ZNF268: variants seen among roughly 807,000 people sequenced by gnomAD.
ZNF268 encodes zinc finger protein 3.
Under a neutral mutation model 29.3 loss-of-function variants are expected in ZNF268, and 20 were observed. The ratio of observed to expected loss-of-function variants is 0.68; its 90% CI spans 0.48 to 0.99. The LOEUF (loss-of-function observed/expected upper bound fraction) is 0.99. Among genes scored for constraint, ZNF268 ranks in the 50% least tolerant of loss-of-function variants. ZNF268 has a pLI of 0.00. For synonymous variants in ZNF268, 429 were observed against 376.9 expected (o/e 1.14, Z -1.60); for missense variants, 1,240 against 1,121.6 (o/e 1.11, Z -1.51).
chr12:133,191,342 A>T, intron 3 of ZNF268, 147 bp from the exon 4 acceptor site: 12 of 809,842 alleles, frequency 1.5e-5, no homozygotes, highest in Non-Finnish European at 2.3e-5. Flanking sequence ...AGAAAGAAAG[A>T]TGACTGATTT....
At chr12:133,187,217 C>A (rs2135488402) in intron 2 of ZNF268, among the ~76,000 whole-genome samples, 1 of 151,958 alleles carries the variant, frequency 6.6e-6, no homozygotes, top group East Asian at 1.9e-4. Context: ...GTGCCGCCTT[C>A]TAGGTCGTTG....
At chr12:133,201,791 CTAA>C (rs1372734048) in intron 5 of ZNF268, among the ~76,000 whole-genome samples, 1 of 152,050 alleles carries the variant, frequency 6.6e-6, no homozygotes, top group African/African-American at 2.4e-5. Context: ...TCATAGATCC[CTAA>C]TGACATGTTT....
intron 5 of ZNF268, among the ~76,000 whole-genome samples, chr12:133,199,743 C>T (rs574671248): frequency 8.6e-4 from 131 of 152,324 alleles, no homozygotes; most frequent in African/African-American, 3.0e-3. Flanking sequence ...AGAGAGTCAA[C>T]TTCTTCCTGG....
intron 2 of ZNF268, chr12:133,184,733 C>T (rs1156846731): frequency 2.2e-6 from 1 of 450,094 alleles, no homozygotes; most frequent in Admixed American, 2.4e-5. Flanking sequence ...TCTCTTGCCT[C>T]AGCCTCCTGA....
In ZNF268 at chr12:133,204,626, A is replaced by G. The variant is rs1292965568; in HGVS notation, c.*96A>G. The G allele has an allele frequency of 8.3e-6, 8 of 961,124 alleles. No individual in the cohort carries two copies. The highest frequency in any genetic ancestry group is 1.2e-5 in the Non-Finnish European group (8 of 689,840). 59.5% of individuals were successfully genotyped at this position (961,124 alleles called of 1,614,324 possible). On this transcript the variant is annotated 3_prime_UTR_variant, in exon 6 of 6. Coordinates refer to ENST00000536435, the MANE Select transcript of ZNF268 (RefSeq NM_003415.3). ...AAGTGGAATCATCTTGTCATCTTCC[A>G]GAAAACTCATACTGAATAGAAACTT...
chr12:133,198,480 C>G (rs1956669228), intron 5 of ZNF268, among the ~76,000 whole-genome samples: 1 of 151,380 alleles, frequency 6.6e-6, no homozygotes, highest in Admixed American at 6.6e-5. Context: ...ATGCCTCCAG[C>G]TTTGTTCTTT....
At position 133,206,837 on chromosome 12, in the gene ZNF268, TC is replaced by T. The variant is rs1395185645; in HGVS notation, c.*2312del. The stretch of plus-strand genomic sequence containing the variant: ...AATCGCAGATACTTGCTAAAGTGTA[TC>T]CCCCAATCTGGGAAATACTGTAAAG... On this transcript the variant is annotated 3_prime_UTR_variant, in exon 6 of 6. Coordinates refer to ENST00000536435, the MANE Select transcript of ZNF268 (RefSeq NM_003415.3). 1 of 152,164 alleles carries T rather than the reference TC, an allele frequency of 6.6e-6. No homozygotes were observed. The allele number at this position is 152,164 out of a possible 1,614,324, so 9.4% of individuals were successfully genotyped here. A position where few individuals can be genotyped will look rare whatever the true frequency, so the allele number is the denominator to read the frequency against.
chr12:133,205,971 T>A lies in ZNF268; in HGVS notation c.*1441T>A, dbSNP rs992487586. ...GCATGTTGATGTAATAAGTAGCTATTTCAATAGAGGTTCCCAGAACAGCTT... is the reference window on the plus strand; with the variant it reads ...GCATGTTGATGTAATAAGTAGCTATATCAATAGAGGTTCCCAGAACAGCTT... On this transcript the variant is annotated 3_prime_UTR_variant, in exon 6 of 6. Transcript: ENST00000536435. The A allele has an allele frequency of 6.6e-6, 1 of 152,224 alleles. No homozygotes were observed. The highest frequency in any genetic ancestry group is 1.5e-5 in the Non-Finnish European group (1 of 68,032). 9.4% of individuals were successfully genotyped at this position (152,224 alleles called of 1,614,324 possible).
rs1299433269 is a variant in ZNF268, at chr12:133,208,413, T to C, written c.*3883T>C. 1.3e-5 allele frequency: 2 copies of C among 152,208 alleles called. No individual in the cohort carries two copies. Among genetic ancestry groups the C allele is most frequent in the Admixed American group, 6.6e-5 (1 of 15,262 alleles). The allele number at this position is 152,208 out of a possible 1,614,324, so 9.4% of individuals were successfully genotyped here. ...CGGGAGGCTGAGGCAGAAGAATTGC[T>C]TGAACCTAGGAGGTGGCAGTTGCAG... On this transcript the variant is annotated 3_prime_UTR_variant, in exon 6 of 6. Transcript: ENST00000536435.
At chr12:133,197,953 G>A (rs1394461787) in intron 5 of ZNF268, among the ~76,000 whole-genome samples, 1 of 152,112 alleles carries the variant, frequency 6.6e-6, no homozygotes, top group East Asian at 1.9e-4. Context: ...CAGATGAGCA[G>A]GTTGTGAAAA....
Position 133,202,286 on chromosome 12 carries a change from T to C in ZNF268, c.600T>C (p.Pro200=). ...CAAAGTATCTTTCAAGACAAAAACC[T>C]CATAAATGTGGCACGCATGGAAAGA... ...LSTKYLSRQK[P]HKCGTHGKSL... Residue 200 remains proline (P), a synonymous_variant, in exon 6 of 6, where the codon CCT becomes CCC. Coordinates refer to ENST00000536435, the MANE Select transcript of ZNF268 (RefSeq NM_003415.3). 1 of 1,612,682 alleles carries C rather than the reference T, an allele frequency of 6.2e-7. No individual in the cohort carries two copies. The highest frequency in any genetic ancestry group is 1.1e-5 in the South Asian group (1 of 90,960).
Position 133,214,197 on chromosome 12 carries a change from A to C in ZNF268, c.*9667A>C, listed in dbSNP as rs1048224712. On this transcript the variant is annotated 3_prime_UTR_variant, in exon 6 of 6. Coordinates refer to ENST00000536435, the MANE Select transcript of ZNF268 (RefSeq NM_003415.3). Reference sequence around the variant, plus strand: ...ACGATACTCAACATCACTAGCCATCATGGAAATATAAATCAAAAATACAAT... The same window carrying C: ...ACGATACTCAACATCACTAGCCATCCTGGAAATATAAATCAAAAATACAAT... The C allele has an allele frequency of 1.3e-5, 2 of 152,246 alleles. No homozygotes were observed. The highest frequency in any genetic ancestry group is 4.8e-5 in the African/African-American group (2 of 41,462). 9.4% of individuals were successfully genotyped at this position (152,246 alleles called of 1,614,324 possible). A position where few individuals can be genotyped will look rare whatever the true frequency, so the allele number is the denominator to read the frequency against.
chr12:133,200,606 A>G (rs1476845355), intron 5 of ZNF268, among the ~76,000 whole-genome samples: 2 of 151,968 alleles, frequency 1.3e-5, no homozygotes, highest in African/African-American at 4.8e-5. Flanking sequence ...TGGGGCATCT[A>G]TCTATTTTCT....
At chr12:133,195,206 A>G (rs61960673) in intron 5 of ZNF268, among the ~76,000 whole-genome samples, 27,683 of 152,152 alleles carry the variant, frequency 0.18, 3,236 homozygotes, top group Non-Finnish European at 0.26. Flanking sequence ...CTTTTCCGTC[A>G]TCATCTGTGA....
chr12:133,185,278 C>G (rs574972724), intron 2 of ZNF268, among the ~76,000 whole-genome samples: 24 of 151,954 alleles, frequency 1.6e-4, no homozygotes, highest in Admixed American at 4.6e-4. Context: ...TAAGCTAAGT[C>G]TGAGTTACAA....
chr12:133,190,974 A>C (rs2135496224), intron 3 of ZNF268, among the ~76,000 whole-genome samples: 1 of 152,070 alleles, frequency 6.6e-6, no homozygotes, highest in East Asian at 1.9e-4. Flanking sequence ...TTAGTACTGA[A>C]GGTCCCATAT....
Position 133,210,833 on chromosome 12 carries a change from A to T in ZNF268, c.*6303A>T. The T allele has an allele frequency of 2.2e-6, 1 of 456,020 alleles. No homozygotes were observed. Among genetic ancestry groups the T allele is most frequent in the South Asian group, 1.5e-5 (1 of 64,560 alleles). The allele number at this position is 456,020 out of a possible 1,614,324, so 28.2% of individuals were successfully genotyped here. The stretch of plus-strand genomic sequence containing the variant: ...TGTGGATTCAACCCAGAGGTCTGTG[A>T]GCAGAATGCAGGTACTGCAAGCAGG... On this transcript the variant is annotated 3_prime_UTR_variant, in exon 6 of 6. Transcript: ENST00000536435.
Position 133,208,690 on chromosome 12 carries a change from C to G in ZNF268, c.*4160C>G, listed in dbSNP as rs1956940298. 6.6e-6 allele frequency: 1 copy of G among 152,142 alleles called. No individual in the cohort carries two copies. The highest frequency in any genetic ancestry group is 1.5e-5 in the Non-Finnish European group (1 of 68,046). 9.4% of individuals were successfully genotyped at this position (152,142 alleles called of 1,614,324 possible). A position where few individuals can be genotyped will look rare whatever the true frequency, so the allele number is the denominator to read the frequency against. On this transcript the variant is annotated 3_prime_UTR_variant, in exon 6 of 6. Transcript: ENST00000536435. ...AGCAAAATTACAAGAATGCGCATCA[C>G]TTTTATGAAATGAGTAACATCTAGC...
Position 133,203,994 on chromosome 12 carries a change from C to T in ZNF268, c.2308C>T (p.His770Tyr), listed in dbSNP as rs1041512459. 1.8e-5 allele frequency: 29 copies of T among 1,584,006 alleles called. No homozygotes were observed. The highest frequency in any genetic ancestry group is 2.3e-5 in the Non-Finnish European group (27 of 1,167,578). ...TAATAGGAAAGACCAGCTCATTTCA[C>T]ATCAGCGAACTCATGCAGGGGAAAA... ...AFNRKDQLIS[H>Y]QRTHAGEKPY... The change falls in exon 6 of 6, where the codon CAT becomes TAT. Residue 770 changes from histidine (H) to tyrosine (Y), a missense_variant. Transcript: ENST00000536435.
Sources: allele counts gnomAD v4.1 joint callset (sites outside exome capture counted in the v4.1 genomes callset), GRCh38; gene constraint gnomAD v4.1.1; transcripts MANE v1.5; gene names NCBI Gene and HGNC (gene_info 2026-07-23, HGNC 2026-07-21).